Variants in KRABD4 observed in about 807,000 individuals in gnomAD.
KRABD4 encodes KRAB domain-containing protein 4.
chrX:46,465,613 T>G, the KRABD4 span, among the ~76,000 whole-genome samples: 1 of 112,728 alleles, frequency 8.9e-6, no homozygotes, highest in Non-Finnish European at 1.9e-5. Context: ...AAACAGTTTT[T>G]TTTAATTTAA....
chrX:46,464,978 A>G, the KRABD4 span, among the ~76,000 whole-genome samples: 1 of 111,713 alleles, frequency 9.0e-6, no homozygotes, highest in Non-Finnish European at 1.9e-5. Flanking sequence ...GCACCTCCAT[A>G]GGTTTAGGGA....
the KRABD4 span, among the ~76,000 whole-genome samples, chrX:46,470,897 A>G: frequency 9.0e-6 from 1 of 110,701 alleles, no homozygotes; most frequent in East Asian, 2.8e-4. Flanking sequence ...AATTTGTACA[A>G]GTTTGTTTTA....
chrX:46,463,834 C>T, the KRABD4 span, among the ~76,000 whole-genome samples: 1 of 109,712 alleles, frequency 9.1e-6, no homozygotes, highest in South Asian at 3.9e-4. Flanking sequence ...GACACCAAAG[C>T]TTTGCCAGTG....
the KRABD4 span, chrX:46,462,947 T>C: frequency 8.5e-7 from 1 of 1,173,095 alleles, no homozygotes; most frequent in South Asian, 2.0e-5. Context: ...CTCCAAGCTC[T>C]GGGGCCTAGG....
the KRABD4 span, among the ~76,000 whole-genome samples, chrX:46,458,997 A>C: frequency 1.8e-5 from 2 of 111,487 alleles, no homozygotes; most frequent in East Asian, 5.6e-4. Flanking sequence ...GTCTAAGTGA[A>C]AAAAACCAAA....
At chrX:46,453,114 T>C in the KRABD4 span, among the ~76,000 whole-genome samples, 1 of 112,233 alleles carries the variant, frequency 8.9e-6, no homozygotes, top group Non-Finnish European at 1.9e-5. Context: ...CATAGTTTAT[T>C]ATTTGCTTTG....
At chrX:46,474,289 T>G in the KRABD4 span, 1 of 112,228 alleles carries the variant, frequency 8.9e-6, no homozygotes, top group Non-Finnish European at 1.9e-5. Context: ...TGTGCTAGTT[T>G]TGCTGTCACA....
At chrX:46,464,370 G>A in the KRABD4 span, among the ~76,000 whole-genome samples, 1 of 112,299 alleles carries the variant, frequency 8.9e-6, no homozygotes, top group African/African-American at 3.2e-5. Flanking sequence ...GAAAGAGAAT[G>A]TGCATTTCAA....
chrX:46,474,434 G>T, the KRABD4 span: 1 of 111,146 alleles, frequency 9.0e-6, no homozygotes. Context: ...ACAGTTTCAG[G>T]CATCCGCTAG....
chrX:46,455,887 G>A, the KRABD4 span: 1 of 326,731 alleles, frequency 3.1e-6, no homozygotes, highest in Non-Finnish European at 5.7e-6. Context: ...AGGCAAAAGT[G>A]CTGAAGTAAG....
At chrX:46,466,228 T>A in the KRABD4 span, among the ~76,000 whole-genome samples, 3 of 112,381 alleles carry the variant, frequency 2.7e-5, no homozygotes, top group Non-Finnish European at 3.8e-5. Context: ...TTCTGTTTTA[T>A]TGATTTCTCC....
chrX:46,464,920 C>T, the KRABD4 span, among the ~76,000 whole-genome samples: 2 of 51,777 alleles, frequency 3.9e-5, no homozygotes, highest in African/African-American at 1.8e-4. Context: ...CCCAATCACA[C>T]CTCCCAAGGG....
chrX:46,451,499 T>C, the KRABD4 span, among the ~76,000 whole-genome samples: 1 of 112,303 alleles, frequency 8.9e-6, no homozygotes, highest in Admixed American at 9.5e-5. Flanking sequence ...TTTAAGTTTT[T>C]AATTTTTTTT....
At chrX:46,457,729 G>GTTTTTTGT in the KRABD4 span, among the ~76,000 whole-genome samples, 1 of 47,655 alleles carries the variant, frequency 2.1e-5, no homozygotes, top group African/African-American at 1.0e-4. Context: ...TGGGGTTTTT[G>GTTTTTTGT]TTTTTTGTTT....
the KRABD4 span, chrX:46,455,538 C>T: frequency 2.3e-6 from 1 of 443,378 alleles, no homozygotes; most frequent in East Asian, 4.3e-5. Flanking sequence ...GCAATTGTTG[C>T]TAGTTTAAAC....
the KRABD4 span, among the ~76,000 whole-genome samples, chrX:46,452,904 G>T: frequency 8.9e-6 from 1 of 111,855 alleles, no homozygotes; most frequent in Admixed American, 9.5e-5. Flanking sequence ...GAAAAGAGTC[G>T]TGCATTTTAA....
the KRABD4 span, chrX:46,456,002 A>G: frequency 3.1e-6 from 1 of 324,507 alleles, no homozygotes; most frequent in Admixed American, 3.4e-5. Context: ...CAATGTAGGC[A>G]GGCTAAAGTC....
the KRABD4 span, chrX:46,474,343 A>T: frequency 2.7e-5 from 3 of 111,674 alleles, no homozygotes; most frequent in Admixed American, 9.5e-5. Flanking sequence ...CATAAGTGCT[A>T]AGACGAAAAA....
chrX:46,472,724 T>C, the KRABD4 span: 12 of 1,202,188 alleles, frequency 1.0e-5, no homozygotes, highest in South Asian at 2.0e-4. Context: ...CTTAACAAGT[T>C]TGATGATTCA....
Sources: gnomAD v4.1 joint callset for allele counts (sites outside exome capture counted in the v4.1 genomes callset) on GRCh38, gnomAD v4.1.1 for gene constraint, MANE v1.5 for transcripts, NCBI Gene and HGNC (gene_info 2026-07-23, HGNC 2026-07-21) for gene names.